The following PTPRK variants were observed in gnomAD, a reference collection of about 807,000 sequenced individuals.
The protein encoded by PTPRK is receptor-type tyrosine-protein phosphatase kappa.
A neutral mutation model predicts 178.0 loss-of-function variants in PTPRK; 75 were observed. The ratio of observed to expected loss-of-function variants is 0.42; its 90% CI spans 0.35 to 0.51. The LOEUF (loss-of-function observed/expected upper bound fraction) is 0.51. Among genes scored for constraint, PTPRK ranks in the 20% least tolerant of loss-of-function variants. The probability of loss-of-function intolerance (pLI) is 0.02; values close to 1 mark genes in which losing one functional copy is unlikely to be tolerated. For missense variants in PTPRK, 1,441 were observed against 1,797.8 expected, an observed-to-expected ratio of 0.80 and a Z score of 3.59; for synonymous variants, 637 against 620.6, an observed-to-expected ratio of 1.03 and a Z score of -0.39.
chr6:128,483,222 T>C lies in PTPRK; in HGVS notation c.100+37037A>G, dbSNP rs1417899. 1.4e-4 allele frequency among the ~76,000 whole-genome samples: 22 copies of C among 152,252 alleles called. No homozygotes were observed. In the East Asian group the frequency reaches 3.3e-3, roughly 23 times the overall value. On this transcript the variant is annotated intron_variant, in intron 1 of 29. Coordinates refer to ENST00000368226, the MANE Select transcript of PTPRK (RefSeq NM_002844.4). ...TTTTTATCCAACAAATTCATTTACA[T>C]CTTGTTTCTACCACTCGAAATGTTT... is the stretch of plus-strand genomic sequence containing the variant.
chr6:127,999,033 A>C (rs1777496295), intron 15 of PTPRK, 129 bp from the exon 16 acceptor site: 2 of 807,754 alleles, frequency 2.5e-6, no homozygotes, highest in South Asian at 2.3e-5. Flanking sequence ...TGGGAAAGAA[A>C]TATCATACAG....
At chr6:128,116,079 A>G (rs1321389762) in intron 7 of PTPRK, among the ~76,000 whole-genome samples, 1 of 152,104 alleles carries the variant, frequency 6.6e-6, no homozygotes, top group Non-Finnish European at 1.5e-5. Context: ...GTTACATTTT[A>G]CAAGATTTCT....
At chr6:128,273,642 G>A (rs73596651) in intron 3 of PTPRK, among the ~76,000 whole-genome samples, 2 of 152,042 alleles carry the variant, frequency 1.3e-5, no homozygotes, top group Admixed American at 6.6e-5. Context: ...AACTCCAGAC[G>A]AAAACGTGTA....
chr6:128,096,452 G>C (rs1787916935), intron 7 of PTPRK, among the ~76,000 whole-genome samples: 1 of 152,098 alleles, frequency 6.6e-6, no homozygotes, highest in Non-Finnish European at 1.5e-5. Context: ...TCTTTTTGTA[G>C]CGATAATTTC....
intron 3 of PTPRK, among the ~76,000 whole-genome samples, chr6:128,258,339 A>G (rs987411566): frequency 6.6e-6 from 1 of 152,210 alleles, no homozygotes; most frequent in Non-Finnish European, 1.5e-5. Context: ...AATATGTTAC[A>G]TAAAACTGAT....
Position 128,089,837 on chromosome 6 carries a change from C to T in PTPRK, c.1318G>A (p.Ala440Thr), listed in dbSNP as rs766461424. Residue 440 changes from alanine to threonine, a missense_variant, in exon 8 of 30, where the codon GCA (alanine) becomes ACA (threonine). Ala to Thr is a moderately conservative substitution (Grantham distance 58, BLOSUM62 0). Around this residue, in one of 4 missense-constraint regions of PTPRK, gnomAD observed 945 missense variants for 1,080.6 expected, o/e 0.87. Coordinates refer to ENST00000368226, the MANE Select transcript of PTPRK (RefSeq NM_002844.4). ...HYFRGHNESK[A>T]DCLDMDPKAP... Reference sequence around the variant, plus strand: ...TTGGGGTCCATGTCCAAACAGTCTGCCTTGCTCTCGTTGTGACCACGGAAG... The same window carrying T: ...TTGGGGTCCATGTCCAAACAGTCTGTCTTGCTCTCGTTGTGACCACGGAAG... 5.6e-6 allele frequency: 9 copies of T among 1,613,956 alleles called. No homozygotes were observed. In the African/African-American group the frequency reaches 1.2e-4, roughly 22 times the overall value.
intron 6 of PTPRK, among the ~76,000 whole-genome samples, chr6:128,190,072 T>C (rs1240980071): frequency 6.6e-6 from 1 of 152,194 alleles, no homozygotes; most frequent in Admixed American, 6.5e-5. Context: ...TTATTCATAT[T>C]TAGAAGCAAT....
At chr6:128,186,991 T>C (rs1471888337) in intron 6 of PTPRK, among the ~76,000 whole-genome samples, 1 of 152,170 alleles carries the variant, frequency 6.6e-6, no homozygotes, top group Non-Finnish European at 1.5e-5. Context: ...TTGGAAAGAA[T>C]GCTAAATTCA....
At chr6:128,126,036 ATTTC>A (rs1307297133) in intron 7 of PTPRK, among the ~76,000 whole-genome samples, 1 of 151,708 alleles carries the variant, frequency 6.6e-6, no homozygotes, top group Non-Finnish European at 1.5e-5. Context: ...GTGATAGCTA[ATTTC>A]TTTTTTTGCT....
chr6:128,281,181 G>A (rs1185410266), intron 3 of PTPRK, among the ~76,000 whole-genome samples: 1 of 152,282 alleles, frequency 6.6e-6, no homozygotes, highest in African/African-American at 2.4e-5. Context: ...GAGCAGGTCA[G>A]GAATCAAAGG....
chr6:128,112,946 TCATCTA>T (rs1466342515), intron 7 of PTPRK, among the ~76,000 whole-genome samples: 1 of 152,082 alleles, frequency 6.6e-6, no homozygotes, highest in Admixed American at 6.6e-5. Context: ...CCTTCTACAG[TCATCTA>T]CTCACTTACT....
intron 25 of PTPRK, among the ~76,000 whole-genome samples, chr6:127,979,491 T>A (rs1015052834): frequency 6.6e-6 from 1 of 152,214 alleles, no homozygotes; most frequent in Non-Finnish European, 1.5e-5. Context: ...TATTTGCCTT[T>A]CCAGACACCT....
intron 13 of PTPRK, among the ~76,000 whole-genome samples, chr6:128,012,239 A>C (rs1779134130): frequency 6.6e-6 from 1 of 151,216 alleles, no homozygotes; most frequent in Non-Finnish European, 1.5e-5. Context: ...TATATTTATT[A>C]GTTTGGATAT....
intron 1 of PTPRK, among the ~76,000 whole-genome samples, chr6:128,485,192 A>G (rs949178335): frequency 6.6e-6 from 1 of 152,222 alleles, no homozygotes; most frequent in Non-Finnish European, 1.5e-5. Flanking sequence ...TGTGGCAATC[A>G]ACCCATAATC....
intron 5 of PTPRK, among the ~76,000 whole-genome samples, chr6:128,224,127 A>G (rs1810876061): frequency 6.6e-6 from 1 of 152,208 alleles, no homozygotes; most frequent in Non-Finnish European, 1.5e-5. Flanking sequence ...TTGCAAATGT[A>G]TACCCACCTC....
chr6:128,013,839 A>T (rs1232291169), intron 13 of PTPRK, among the ~76,000 whole-genome samples: 1 of 151,476 alleles, frequency 6.6e-6, no homozygotes, highest in African/African-American at 2.4e-5. Context: ...CCTATGTTAA[A>T]TCTCTGAATA....
At chr6:128,053,244 C>A (rs1779349800) in intron 13 of PTPRK, among the ~76,000 whole-genome samples, 1 of 152,012 alleles carries the variant, frequency 6.6e-6, no homozygotes, top group Non-Finnish European at 1.5e-5. Context: ...CACACCCTGC[C>A]ACACACGTAA....
At position 128,142,578 on chromosome 6, in the gene PTPRK, G is replaced by T. The variant is rs11961776; in HGVS notation, c.1162+41854C>A. Among the ~76,000 whole-genome samples, 5 of 150,718 alleles carry T rather than the reference G, an allele frequency of 3.3e-5. No individual in the cohort carries two copies. The South Asian group carries it at 1.0e-3, about 31-fold the overall frequency. On this transcript the variant is annotated intron_variant, in intron 7 of 29. Coordinates refer to ENST00000368226, the MANE Select transcript of PTPRK (RefSeq NM_002844.4). Reference sequence around the variant, plus strand: ...TATATATATACACACACACACGTGTGGTTTTCACAGACATGTCTCCTCCAA... The same window carrying T: ...TATATATATACACACACACACGTGTTGTTTTCACAGACATGTCTCCTCCAA...
chr6:127,981,478 C>G (rs897282598), intron 24 of PTPRK, among the ~76,000 whole-genome samples, 189 bp from the exon 25 acceptor site: 30 of 152,236 alleles, frequency 2.0e-4, no homozygotes, highest in African/African-American at 6.7e-4. Flanking sequence ...GACAAAGAAA[C>G]AAGACACACA....
Sources: allele counts gnomAD v4.1 joint callset (sites outside exome capture counted in the v4.1 genomes callset), GRCh38; gene constraint gnomAD v4.1.1; regional missense constraint gnomAD v4.1.1; transcripts MANE v1.5; gene names NCBI Gene and HGNC (gene_info 2026-07-23, HGNC 2026-07-21).